The following TPRG1 variants were observed in gnomAD, a reference collection of about 807,000 sequenced individuals.
TPRG1 encodes the protein tumor protein p63-regulated gene 1 protein.
Under a neutral mutation model 29.3 loss-of-function variants are expected in TPRG1, and 29 were observed. That is an observed-to-expected ratio of 0.99 (90% confidence interval 0.74 to 1.35). TPRG1 has a LOEUF of 1.35. Ranked by LOEUF, TPRG1 falls within the 40% of genes most tolerant of loss-of-function variation. TPRG1 has a pLI of 0.00. For missense variants in TPRG1, 327 were observed against 335.0 expected (o/e 0.98, Z 0.19); for synonymous variants, 130 against 116.8 (o/e 1.11, Z -0.73).
chr3:189,321,436 T>C lies in TPRG1; in HGVS notation c.*616T>C, dbSNP rs899248704. On this transcript the variant is annotated 3_prime_UTR_variant, in exon 6 of 6. Coordinates refer to ENST00000345063, the MANE Select transcript of TPRG1 (RefSeq NM_198485.4). ...TGAAGTCTGTCAATTTTGATTTCTCTAAATTCCTTGCCATGACATCCTATA... is the reference window on the plus strand; with the variant it reads ...TGAAGTCTGTCAATTTTGATTTCTCCAAATTCCTTGCCATGACATCCTATA... 4 of 152,276 alleles carry C rather than the reference T, an allele frequency of 2.6e-5. No homozygotes were observed. The highest frequency in any genetic ancestry group is 7.2e-5 in the African/African-American group (3 of 41,560). The allele number at this position is 152,276 out of a possible 1,614,324, so 9.4% of individuals were successfully genotyped here. A position where few individuals can be genotyped will look rare whatever the true frequency, so the allele number is the denominator to read the frequency against.
chr3:189,186,335 C>A (rs1354390486), intron 1 of TPRG1, among the ~76,000 whole-genome samples: 3 of 152,160 alleles, frequency 2.0e-5, no homozygotes, highest in African/African-American at 7.2e-5. Flanking sequence ...AAGGCTGGTC[C>A]TCTCTGAAGT....
intron 4 of TPRG1, among the ~76,000 whole-genome samples, chr3:189,063,700 A>G (rs1716261903): frequency 6.6e-6 from 1 of 152,190 alleles, no homozygotes. Context: ...TTTAATACAT[A>G]TACAAAACCA....
Position 189,207,567 on chromosome 3 carries a change from T to A in TPRG1, c.183T>A (p.Tyr61Ter). The part of the protein sequence containing the change: ...TLYPNPYHQP[Y>*]ISRKYFATRP... The stretch of plus-strand genomic sequence containing the variant: ...ACCCCAATCCTTATCATCAGCCTTA[T>A]ATCTCACGGAAGTACTTTGCTACAC... Residue 61 changes from tyrosine (Y) to a stop codon, truncating the protein, a stop_gained, in exon 2 of 6, where the codon TAT (tyrosine) becomes TAA (stop). Coordinates refer to ENST00000345063, the MANE Select transcript of TPRG1 (RefSeq NM_198485.4). LOFTEE classifies it high-confidence loss of function. The A allele has an allele frequency of 1.2e-6, 2 of 1,612,140 alleles. No homozygotes were observed. Among genetic ancestry groups the A allele is most frequent in the Non-Finnish European group, 1.7e-6 (2 of 1,178,048 alleles).
intron 4 of TPRG1, among the ~76,000 whole-genome samples, chr3:189,295,010 T>C (rs7646396): frequency 0.55 from 83,567 of 152,140 alleles, 23,589 homozygotes; most frequent in African/African-American, 0.65. Flanking sequence ...TCACCTACGG[T>C]GAGAAGTAGA....
Position 189,321,621 on chromosome 3 carries a change from A to G in TPRG1, c.*801A>G, listed in dbSNP as rs1724325580. On this transcript the variant is annotated 3_prime_UTR_variant, in exon 6 of 6. Coordinates refer to ENST00000345063, the MANE Select transcript of TPRG1 (RefSeq NM_198485.4). Reference sequence around the variant, plus strand: ...TAATTCTGCTCAACCAATTATTACCACAGCCTGTTAAATGGAATCCCTACT... The same window carrying G: ...TAATTCTGCTCAACCAATTATTACCGCAGCCTGTTAAATGGAATCCCTACT... 1 of 152,100 alleles carries G rather than the reference A, an allele frequency of 6.6e-6. No individual in the cohort carries two copies. The highest frequency in any genetic ancestry group is 6.6e-5 in the Admixed American group (1 of 15,238). 9.4% of individuals were successfully genotyped at this position (152,100 alleles called of 1,614,324 possible).
chr3:189,128,540 T>C (rs1722750501), intron 2 of TPRG1, among the ~76,000 whole-genome samples: 1 of 152,334 alleles, frequency 6.6e-6, no homozygotes, highest in Non-Finnish European at 1.5e-5. Flanking sequence ...TTGAATGAGA[T>C]GAAAAGGTCA....
chr3:189,306,031 T>G lies in TPRG1; in HGVS notation c.480-4355T>G, dbSNP rs1577020457. ...TGAAATGAGACTTGCAAGTTTCTAT[T>G]TGTGCTTTTTGAGGTCTGGGAACAA... On this transcript the variant is annotated intron_variant, in intron 4 of 5. Transcript: ENST00000345063. Among the ~76,000 whole-genome samples the G allele has an allele frequency of 2.0e-5, 3 of 152,360 alleles. No individual in the cohort carries two copies. The East Asian group carries it at 5.8e-4, about 29-fold the overall frequency.
chr3:189,103,132 G>T (rs932440574), intron 1 of TPRG1, among the ~76,000 whole-genome samples: 1 of 152,082 alleles, frequency 6.6e-6, no homozygotes, highest in Non-Finnish European at 1.5e-5. Flanking sequence ...CTAGAGCCAG[G>T]GTGGCAAACA....
chr3:189,139,018 T>C (rs966492655), intron 3 of TPRG1, among the ~76,000 whole-genome samples: 1 of 152,154 alleles, frequency 6.6e-6, no homozygotes, highest in African/African-American at 2.4e-5. Context: ...AAAATCACTG[T>C]AGCTCAGCTC....
chr3:189,263,066 A>G (rs540870429), intron 4 of TPRG1, among the ~76,000 whole-genome samples: 1 of 152,362 alleles, frequency 6.6e-6, no homozygotes, highest in Admixed American at 6.5e-5. Context: ...CTTCTGCCAC[A>G]TTCTGTGTCA....
chr3:189,072,770 C>T (rs1170454850), intron 4 of TPRG1, among the ~76,000 whole-genome samples: 2 of 151,878 alleles, frequency 1.3e-5, no homozygotes, highest in Non-Finnish European at 2.9e-5. Flanking sequence ...TCAATCAATT[C>T]GTCCATCCAT....
At chr3:189,292,047 T>C (rs986043302) in intron 4 of TPRG1, among the ~76,000 whole-genome samples, 1 of 152,220 alleles carries the variant, frequency 6.6e-6, no homozygotes, top group Admixed American at 6.5e-5. Flanking sequence ...TTCAAGCACA[T>C]AGTAGGATTT....
At chr3:189,203,169 G>T (rs1733769461) in intron 1 of TPRG1, among the ~76,000 whole-genome samples, 1 of 152,106 alleles carries the variant, frequency 6.6e-6, no homozygotes, top group South Asian at 2.1e-4. Flanking sequence ...GATAGATGAA[G>T]TTCCTTATAA....
chr3:189,096,506 T>C (rs1404696526), upstream of TPRG1, among the ~76,000 whole-genome samples: 3 of 152,226 alleles, frequency 2.0e-5, no homozygotes, highest in African/African-American at 7.2e-5. Flanking sequence ...TACCAAGAGA[T>C]TGATCTTTTC....
chr3:189,098,285 G>T (rs1205541866), upstream of TPRG1, among the ~76,000 whole-genome samples: 1 of 152,184 alleles, frequency 6.6e-6, no homozygotes, highest in Non-Finnish European at 1.5e-5. Context: ...AAGAAAAACA[G>T]GGACAATACG....
intron 4 of TPRG1, among the ~76,000 whole-genome samples, chr3:189,065,616 T>C (rs1648729988): frequency 6.6e-6 from 1 of 151,892 alleles, no homozygotes; most frequent in African/African-American, 2.4e-5. Context: ...ATATCAAACA[T>C]TTATCAGGAT....
intron 1 of TPRG1, among the ~76,000 whole-genome samples, chr3:189,101,148 C>A (rs1168490696): frequency 6.6e-6 from 1 of 152,128 alleles, no homozygotes; most frequent in Non-Finnish European, 1.5e-5. Flanking sequence ...TGTCCTCCCC[C>A]TTCCAACTCT....
At chr3:189,137,119 A>T (rs1047721660) in intron 3 of TPRG1, among the ~76,000 whole-genome samples, 1 of 152,212 alleles carries the variant, frequency 6.6e-6, no homozygotes, top group Admixed American at 6.5e-5. Flanking sequence ...CCCATTCTGA[A>T]TCCAAGACTG....
intron 4 of TPRG1, among the ~76,000 whole-genome samples, chr3:189,274,862 T>C (rs966087649): frequency 4.6e-5 from 7 of 152,112 alleles, no homozygotes; most frequent in Non-Finnish European, 8.8e-5. Context: ...CCTGTGCTTT[T>C]TTTTTCTTAT....
Sources: gnomAD v4.1 joint callset for allele counts (sites outside exome capture counted in the v4.1 genomes callset) on GRCh38, gnomAD v4.1.1 for gene constraint, MANE v1.5 for transcripts, NCBI Gene and HGNC (gene_info 2026-07-23, HGNC 2026-07-21) for gene names.